The following WWOX variants were observed in gnomAD, a reference collection of about 807,000 sequenced individuals.
WWOX encodes the protein WW domain-containing oxidoreductase.
WWOX carries 69 observed loss-of-function variants against 46.2 expected under a neutral mutation model. The ratio of observed to expected loss-of-function variants is 1.49; its 90% CI spans 1.23 to 1.82. The LOEUF (loss-of-function observed/expected upper bound fraction) is 1.82. WWOX is among the 40% of genes most tolerant of loss of function. WWOX has a pLI of 0.00. For synonymous variants in WWOX, 359 were observed against 202.6 expected, an observed-to-expected ratio of 1.77 and a Z score of -6.56; for missense variants, 919 against 542.6, an observed-to-expected ratio of 1.69 and a Z score of -6.89.
chr16:78,369,636 A>C (rs2081620382), intron 5 of WWOX, among the ~76,000 whole-genome samples: 1 of 151,940 alleles, frequency 6.6e-6, no homozygotes, highest in African/African-American at 2.4e-5. Flanking sequence ...TTTTCATTAC[A>C]TACTGTTATC....
chr16:78,864,842 A>C (rs2043968889), intron 8 of WWOX, among the ~76,000 whole-genome samples: 1 of 138,144 alleles, frequency 7.2e-6, no homozygotes, highest in South Asian at 2.3e-4. Flanking sequence ...GGCTCACTGC[A>C]ACATCCACCT....
At chr16:79,003,807 C>T (rs995326382) in intron 8 of WWOX, among the ~76,000 whole-genome samples, 1 of 152,104 alleles carries the variant, frequency 6.6e-6, no homozygotes, top group African/African-American at 2.4e-5. Flanking sequence ...GTGTCACTTC[C>T]ACTGCATCTT....
chr16:78,117,863 G>A (rs1446987785), intron 4 of WWOX, among the ~76,000 whole-genome samples: 4 of 152,050 alleles, frequency 2.6e-5, no homozygotes, highest in African/African-American at 7.3e-5. Context: ...TGGATAAACC[G>A]TGAAATCTTT....
chr16:79,054,357 A>C (rs1441976760), intron 8 of WWOX, among the ~76,000 whole-genome samples: 1 of 152,186 alleles, frequency 6.6e-6, no homozygotes, highest in African/African-American at 2.4e-5. Context: ...TATTTCAGGA[A>C]TTTCAAGCTT....
At chr16:78,214,097 T>G (rs1340437059) in intron 5 of WWOX, among the ~76,000 whole-genome samples, 2 of 152,164 alleles carry the variant, frequency 1.3e-5, no homozygotes, top group Non-Finnish European at 2.9e-5. Context: ...CATGCCCTGC[T>G]GCCTAGGGCT....
intron 6 of WWOX, among the ~76,000 whole-genome samples, chr16:78,388,914 A>T (rs1433407030): frequency 1.3e-5 from 2 of 151,394 alleles, no homozygotes; most frequent in African/African-American, 4.8e-5. Context: ...GGTTGCAGTG[A>T]GCTGAGACTG....
chr16:79,120,077 T>G (rs898288093), intron 8 of WWOX, among the ~76,000 whole-genome samples: 2 of 152,168 alleles, frequency 1.3e-5, no homozygotes, highest in Admixed American at 6.5e-5. Flanking sequence ...GTGCAGTTTA[T>G]TTAGATAACA....
intron 8 of WWOX, among the ~76,000 whole-genome samples, chr16:78,485,829 T>G (rs1382596800): frequency 6.6e-6 from 1 of 152,182 alleles, no homozygotes; most frequent in Admixed American, 6.5e-5. Flanking sequence ...CCGCCACTCC[T>G]GGATGCACTT....
intron 8 of WWOX, among the ~76,000 whole-genome samples, chr16:78,973,370 C>G (rs150864568): frequency 1.4e-3 from 208 of 152,244 alleles, no homozygotes; most frequent in Non-Finnish European, 2.5e-3. Flanking sequence ...AAAAATAGAA[C>G]TGTTCTAGAA....
At chr16:78,643,604 C>T (rs925485349) in intron 8 of WWOX, among the ~76,000 whole-genome samples, 12 of 152,144 alleles carry the variant, frequency 7.9e-5, no homozygotes, top group African/African-American at 1.2e-4. Flanking sequence ...ATCAGCCACG[C>T]GCTGAATCTG....
intron 8 of WWOX, among the ~76,000 whole-genome samples, chr16:78,701,702 A>G (rs78271863): frequency 2.6e-5 from 4 of 152,176 alleles, no homozygotes; most frequent in Non-Finnish European, 5.9e-5. Flanking sequence ...CAAAGGTGCC[A>G]GGCAGGCCCT....
At chr16:78,395,034 C>G (rs765040108) in intron 6 of WWOX, among the ~76,000 whole-genome samples, 1 of 152,212 alleles carries the variant, frequency 6.6e-6, no homozygotes, top group Non-Finnish European at 1.5e-5. Flanking sequence ...AATTACCAGA[C>G]ACATCTCACT....
intron 8 of WWOX, among the ~76,000 whole-genome samples, chr16:78,888,204 A>T (rs1357619411): frequency 2.0e-5 from 3 of 152,128 alleles, no homozygotes; most frequent in Non-Finnish European, 4.4e-5. Context: ...AAAATGTTTA[A>T]CCCTACCCAA....
chr16:78,795,302 G>C (rs183943032), intron 8 of WWOX, among the ~76,000 whole-genome samples: 3 of 152,294 alleles, frequency 2.0e-5, no homozygotes, highest in African/African-American at 4.8e-5. Context: ...ATTTTAAGTA[G>C]AGGGTAGATT....
At chr16:78,646,072 A>G (rs2046833846) in intron 8 of WWOX, among the ~76,000 whole-genome samples, 1 of 152,082 alleles carries the variant, frequency 6.6e-6, no homozygotes, top group South Asian at 2.1e-4. Context: ...TCCTTGGGTA[A>G]CTGCGCATAC....
intron 8 of WWOX, among the ~76,000 whole-genome samples, chr16:78,798,937 C>T (rs1286527003): frequency 6.6e-6 from 1 of 152,112 alleles, no homozygotes; most frequent in African/African-American, 2.4e-5. Flanking sequence ...GGTTTTATGG[C>T]ATTTTGTTGG....
At chr16:78,419,487 A>G (rs1258509386) in intron 6 of WWOX, among the ~76,000 whole-genome samples, 2 of 152,092 alleles carry the variant, frequency 1.3e-5, no homozygotes, top group African/African-American at 2.4e-5. Context: ...ATCCATGCAT[A>G]TTGTGAATTG....
chr16:78,647,660 A>T (rs1212801173), intron 8 of WWOX, among the ~76,000 whole-genome samples: 2 of 152,214 alleles, frequency 1.3e-5, no homozygotes, highest in Non-Finnish European at 2.9e-5. Flanking sequence ...AGGCACATCA[A>T]CATCAGACCA....
intron 8 of WWOX, among the ~76,000 whole-genome samples, chr16:78,913,496 A>T (rs114670873): frequency 4.5e-4 from 68 of 152,044 alleles, no homozygotes; most frequent in African/African-American, 1.5e-3. Context: ...GTTGGAAGCC[A>T]TACACAAGCT....
Sources: gnomAD v4.1 joint callset for allele counts (sites outside exome capture counted in the v4.1 genomes callset) on GRCh38, gnomAD v4.1.1 for gene constraint, MANE v1.5 for transcripts, NCBI Gene and HGNC (gene_info 2026-07-23, HGNC 2026-07-21) for gene names.